UHRF2: variants seen among roughly 807,000 people sequenced by gnomAD.
UHRF2 encodes E3 ubiquitin-protein ligase UHRF2.
UHRF2 carries 23 observed loss-of-function variants against 96.8 expected under a neutral mutation model. That is an observed-to-expected ratio of 0.24 (90% CI 0.17 to 0.34). The LOEUF (loss-of-function observed/expected upper bound fraction) is 0.34, where lower values mean the gene tolerates loss of function less well. UHRF2 is among the 10% of genes least tolerant of loss of function. UHRF2 has a pLI of 1.00. For synonymous variants in UHRF2, 385 were observed against 332.6 expected, an observed-to-expected ratio of 1.16 and a Z score of -1.72; for missense variants, 685 against 981.5, an observed-to-expected ratio of 0.70 and a Z score of 4.04.
intron 3 of UHRF2, among the ~76,000 whole-genome samples, chr9:6,457,151 G>A (rs1437707556): frequency 6.6e-6 from 1 of 152,054 alleles, no homozygotes; most frequent in African/African-American, 2.4e-5. Flanking sequence ...ATGGAATGTT[G>A]TTCCATTTGT....
intron 3 of UHRF2, among the ~76,000 whole-genome samples, chr9:6,442,026 C>T (rs1217324656): frequency 1.3e-5 from 2 of 152,176 alleles, no homozygotes; most frequent in Non-Finnish European, 2.9e-5. Context: ...AGTCCAGTGG[C>T]ACGATCTTGG....
intron 1 of UHRF2, chr9:6,415,453 C>T (rs1819543510): frequency 6.6e-6 from 1 of 152,192 alleles, no homozygotes; most frequent in Non-Finnish European, 1.5e-5. Context: ...TATGCGCTGA[C>T]AAGTAGCTAT....
chr9:6,460,573 A>G lies in UHRF2; in HGVS notation c.645A>G (p.Glu215=), dbSNP rs764473571. The change falls in exon 4 of 16, where the codon GAA becomes GAG. Residue 215 remains glutamate, a splice_region_variant and synonymous_variant. Transcript: ENST00000276893. ...GCCATATGGTTTTCTCTCTCCTCAG[A>G]TACCCAGAAAGCGGTACTCTAGAAA... ...EDVIYHIQYD[E]YPESGTLEMN... 18 of 1,596,982 alleles carry G rather than the reference A, an allele frequency of 1.1e-5. No homozygotes were observed. In the East Asian group the frequency reaches 3.8e-4, roughly 34 times the overall value.
chr9:6,494,980 G>C lies in UHRF2; in HGVS notation c.1604+1048G>C, dbSNP rs1824876253. ...TGGTGAAAACATTCTTGAGACAGGA[G>C]CTTAGCTATTCTTTTCTAGCAAGAA... is the stretch of plus-strand genomic sequence containing the variant. On this transcript the variant is annotated intron_variant, in intron 10 of 15. Coordinates refer to ENST00000276893, the MANE Select transcript of UHRF2 (RefSeq NM_152896.3). 3 of 152,142 alleles carry C rather than the reference G, an allele frequency of 2.0e-5. No homozygotes were observed. The South Asian group carries it at 6.2e-4, about 32-fold the overall frequency. 9.4% of individuals were successfully genotyped at this position (152,142 alleles called of 1,614,324 possible). A position where few individuals can be genotyped will look rare whatever the true frequency, so the allele number is the denominator to read the frequency against.
At chr9:6,456,124 C>A (rs546472366) in intron 3 of UHRF2, among the ~76,000 whole-genome samples, 52 of 152,316 alleles carry the variant, frequency 3.4e-4, no homozygotes, top group African/African-American at 1.2e-3. Context: ...GTTTTACTTT[C>A]TGATGAAATT....
intron 8 of UHRF2, among the ~76,000 whole-genome samples, 182 bp downstream of exon 8, chr9:6,482,281 G>T (rs538278607): frequency 6.6e-6 from 1 of 152,076 alleles, no homozygotes; most frequent in Non-Finnish European, 1.5e-5. Flanking sequence ...CACAGAATTG[G>T]GCATTAGCTA....
At chr9:6,483,604 A>C (rs141819709) in intron 8 of UHRF2, among the ~76,000 whole-genome samples, 73 of 152,332 alleles carry the variant, frequency 4.8e-4, no homozygotes, top group African/African-American at 1.6e-3. Context: ...GCCAACTGTA[A>C]TACATAAAAA....
At chr9:6,502,603 A>G (rs1341925758) in intron 14 of UHRF2, among the ~76,000 whole-genome samples, 3 of 152,180 alleles carry the variant, frequency 2.0e-5, no homozygotes, top group Non-Finnish European at 2.9e-5. Flanking sequence ...AGTTATTACT[A>G]TCTGAAACAG....
chr9:6,485,021 G>A (rs536729745), intron 8 of UHRF2, among the ~76,000 whole-genome samples: 47 of 151,726 alleles, frequency 3.1e-4, no homozygotes, highest in Non-Finnish European at 5.2e-4. Context: ...TCAAACTCCC[G>A]ACCTCAGGTG....
chr9:6,502,619 G>A (rs776571873), intron 14 of UHRF2, among the ~76,000 whole-genome samples: 1 of 152,140 alleles, frequency 6.6e-6, no homozygotes, highest in South Asian at 2.1e-4. Context: ...AACAGTTTTT[G>A]TTTGTTTACT....
intron 1 of UHRF2, among the ~76,000 whole-genome samples, chr9:6,418,884 CG>C (rs1819762356): frequency 1.3e-5 from 2 of 152,130 alleles, no homozygotes; most frequent in South Asian, 4.2e-4. Flanking sequence ...TCAGCAGGGC[CG>C]TCCTCTGATA....
At chr9:6,434,541 T>C (rs1310909045) in intron 3 of UHRF2, among the ~76,000 whole-genome samples, 3 of 151,834 alleles carry the variant, frequency 2.0e-5, no homozygotes, top group African/African-American at 7.3e-5. Context: ...TGGGTTTAAG[T>C]GATTCTCCTG....
chr9:6,461,336 T>C (rs1587828015), intron 4 of UHRF2, among the ~76,000 whole-genome samples: 18 of 117,026 alleles, frequency 1.5e-4, no homozygotes, highest in South Asian at 3.6e-4. Context: ...TCTCTCTCCC[T>C]CCCTCCCTCT....
intron 3 of UHRF2, among the ~76,000 whole-genome samples, chr9:6,435,797 C>T (rs1415289887): frequency 6.6e-6 from 1 of 151,838 alleles, no homozygotes; most frequent in Non-Finnish European, 1.5e-5. Flanking sequence ...TTAGTAGAGA[C>T]AGGGTTTCAC....
chr9:6,451,466 GTT>G (rs34757017), intron 3 of UHRF2, among the ~76,000 whole-genome samples: 52 of 141,800 alleles, frequency 3.7e-4, no homozygotes, highest in South Asian at 8.9e-4. Context: ...GTTTTTTTTT[GTT>G]TTTTTTTTTT....
In UHRF2 at chr9:6,497,366, C is replaced by G. The variant is rs779625379; in HGVS notation, c.1767+6C>G. ...GATATGATGGCATTTATAAGGTGCT[C>G]TATCTGGCATGACATCTTGTTTGTC... On this transcript the variant is annotated splice_donor_region_variant and intron_variant, in intron 11 of 15. Transcript: ENST00000276893. The G allele has an allele frequency of 2.5e-6, 4 of 1,612,462 alleles. No homozygotes were observed. The highest frequency in any genetic ancestry group is 3.4e-6 in the Non-Finnish European group (4 of 1,179,076).
chr9:6,499,652 A>T, intron 12 of UHRF2, 183 bp from the exon 13 acceptor site: 1 of 417,118 alleles, frequency 2.4e-6, no homozygotes, highest in Non-Finnish European at 4.4e-6. Flanking sequence ...ATAAATTGGG[A>T]TTTTAATAGT....
chr9:6,416,792 G>C (rs955145448), intron 1 of UHRF2, among the ~76,000 whole-genome samples: 8 of 152,078 alleles, frequency 5.3e-5, no homozygotes, highest in Non-Finnish European at 1.2e-4. Context: ...CTCCCAAAGT[G>C]CTGGGATTAC....
At chr9:6,441,666 A>G (rs1379819587) in intron 3 of UHRF2, among the ~76,000 whole-genome samples, 1 of 151,964 alleles carries the variant, frequency 6.6e-6, no homozygotes, top group Non-Finnish European at 1.5e-5. Flanking sequence ...AAGACCAAAG[A>G]TGATATGCAA....
Sources: gnomAD v4.1 joint callset for allele counts (sites outside exome capture counted in the v4.1 genomes callset) on GRCh38, gnomAD v4.1.1 for gene constraint, MANE v1.5 for transcripts, NCBI Gene and HGNC (gene_info 2026-07-23, HGNC 2026-07-21) for gene names.